PDE1A: variants seen among roughly 807,000 people sequenced by gnomAD.
PDE1A encodes the protein phosphodiesterase 1A, also known as dual specificity calcium/calmodulin-dependent 3',5'-cyclic nucleotide phosphodiesterase 1A.
Under a neutral mutation model 61.7 loss-of-function variants are expected in PDE1A, and 35 were observed. That is an observed-to-expected ratio of 0.57 (90% CI 0.43 to 0.75). PDE1A has a LOEUF of 0.75. Among genes scored for constraint, PDE1A ranks in the 30% least tolerant of loss-of-function variants. The pLI is 0.00. For synonymous variants in PDE1A, 232 were observed against 213.2 expected (o/e 1.09, Z -0.77); for missense variants, 597 against 630.6 (o/e 0.95, Z 0.57).
At chr2:182,276,828 A>G (rs1482831321) in intron 1 of PDE1A, among the ~76,000 whole-genome samples, 1 of 151,876 alleles carries the variant, frequency 6.6e-6, no homozygotes, top group East Asian at 1.9e-4. Flanking sequence ...TCGTTGGGGG[A>G]GGTCTATAAA....
At chr2:182,578,857 C>G in the PDE1A span, among the ~76,000 whole-genome samples, 1 of 152,096 alleles carries the variant, frequency 6.6e-6, no homozygotes, top group African/African-American at 2.4e-5. Flanking sequence ...TCAGCCTCTT[C>G]TTAGATCTCA....
intron 1 of PDE1A, among the ~76,000 whole-genome samples, chr2:182,324,538 A>G (rs1407945455): frequency 6.6e-6 from 1 of 152,154 alleles, no homozygotes; most frequent in South Asian, 2.1e-4. Flanking sequence ...AATCTTAAAT[A>G]TTTAGACTTT....
rs561468103 is a variant in PDE1A at position 182,306,658 on chromosome 2, C to T, written c.54-42244G>A. 1.8e-4 allele frequency among the ~76,000 whole-genome samples: 27 copies of T among 152,156 alleles called. 1 individual carries two copies. Among genetic ancestry groups the T allele is most frequent in the African/African-American group, 6.5e-4 (27 of 41,544 alleles). Reference sequence around the variant, plus strand: ...ATAGAAGAAAGAACCAAGAAATGAACTCAAACATTTACAGTCAATTGATTT... The same window carrying T: ...ATAGAAGAAAGAACCAAGAAATGAATTCAAACATTTACAGTCAATTGATTT... On this transcript the variant is annotated intron_variant, in intron 1 of 13. Transcript: ENST00000351439.
At chr2:182,243,518 A>G (rs1690720049) in intron 2 of PDE1A, among the ~76,000 whole-genome samples, 1 of 152,168 alleles carries the variant, frequency 6.6e-6, no homozygotes, top group African/African-American at 2.4e-5. Context: ...ACTGACTGAG[A>G]GAGAGAGTGA....
the PDE1A span, among the ~76,000 whole-genome samples, chr2:182,622,657 G>A: frequency 8.6e-4 from 131 of 152,198 alleles, 1 homozygote; most frequent in East Asian, 1.2e-3. Context: ...CCAAGCTGCC[G>A]ATTATCCACT....
chr2:182,329,001 G>T (rs1474401703), intron 1 of PDE1A, among the ~76,000 whole-genome samples: 2 of 152,092 alleles, frequency 1.3e-5, no homozygotes, highest in African/African-American at 4.8e-5. Context: ...TTTCTCTAGG[G>T]AAAGAATCCA....
chr2:182,594,025 T>A, the PDE1A span, among the ~76,000 whole-genome samples: 152 of 152,324 alleles, frequency 1.0e-3, 1 homozygote, highest in Admixed American at 6.1e-3. Flanking sequence ...GTAATTAAAC[T>A]TATAAAAGGG....
intron 1 of PDE1A, among the ~76,000 whole-genome samples, chr2:182,325,390 TATG>T (rs2124884244): frequency 6.6e-6 from 1 of 152,240 alleles, no homozygotes; most frequent in East Asian, 1.9e-4. Context: ...GGAAAAGCTC[TATG>T]ATACCAGATT....
chr2:182,716,790 C>T, the PDE1A span, among the ~76,000 whole-genome samples: 1 of 152,204 alleles, frequency 6.6e-6, no homozygotes, highest in Admixed American at 6.5e-5. Flanking sequence ...CTCTCCCACT[C>T]TGCAGTGATG....
At chr2:182,282,900 G>T (rs1439389747) in intron 1 of PDE1A, among the ~76,000 whole-genome samples, 3 of 151,830 alleles carry the variant, frequency 2.0e-5, no homozygotes, top group Non-Finnish European at 4.4e-5. Context: ...TGGACACTGC[G>T]CCTTAAACTT....
chr2:182,712,129 T>C, the PDE1A span, among the ~76,000 whole-genome samples: 2 of 152,216 alleles, frequency 1.3e-5, no homozygotes, highest in East Asian at 3.8e-4. Flanking sequence ...TGAGGAAACA[T>C]CAGACAAACT....
At chr2:182,650,375 G>A in the PDE1A span, among the ~76,000 whole-genome samples, 3 of 152,208 alleles carry the variant, frequency 2.0e-5, no homozygotes, top group African/African-American at 2.4e-5. Flanking sequence ...AGAGAGCACA[G>A]ATACAAATAT....
chr2:182,392,387 C>T (rs926548908), intron 1 of PDE1A, among the ~76,000 whole-genome samples: 12 of 152,254 alleles, frequency 7.9e-5, no homozygotes, highest in African/African-American at 2.9e-4. Context: ...TCAATTACCT[C>T]CCACCACGTC....
the PDE1A span, among the ~76,000 whole-genome samples, chr2:182,624,019 G>A: frequency 6.6e-6 from 1 of 151,674 alleles, no homozygotes; most frequent in African/African-American, 2.4e-5. Flanking sequence ...CAGCTACTCG[G>A]GAGGCTGAGG....
intron 10 of PDE1A, among the ~76,000 whole-genome samples, chr2:182,197,186 C>G (rs1185061092): frequency 6.6e-6 from 1 of 151,710 alleles, no homozygotes; most frequent in Non-Finnish European, 1.5e-5. Context: ...AGAAAATGAA[C>G]ATACTTGTAT....
At chr2:182,374,049 T>C (rs1370667) in intron 1 of PDE1A, among the ~76,000 whole-genome samples, 96,355 of 152,012 alleles carry the variant, frequency 0.63, 31,071 homozygotes, top group East Asian at 0.96. Context: ...ATTTGGTGAA[T>C]GGTGGAGGAG....
At chr2:182,254,956 T>C (rs1163570671) in intron 2 of PDE1A, among the ~76,000 whole-genome samples, 2 of 152,138 alleles carry the variant, frequency 1.3e-5, no homozygotes, top group African/African-American at 4.8e-5. Flanking sequence ...CAATGACTGG[T>C]TGAGGGATAA....
At chr2:182,158,174 G>A (rs1419556464) in intron 13 of PDE1A, among the ~76,000 whole-genome samples, 1 of 152,152 alleles carries the variant, frequency 6.6e-6, no homozygotes, top group Non-Finnish European at 1.5e-5. Context: ...TATGCAAGTT[G>A]CTCCTATTGA....
chr2:182,533,557 C>A, the PDE1A span, among the ~76,000 whole-genome samples: 185 of 152,026 alleles, frequency 1.2e-3, 3 homozygotes, highest in South Asian at 0.016. Flanking sequence ...TTAAATGATA[C>A]TGTTTAAAGT....
Sources: allele counts gnomAD v4.1 joint callset (sites outside exome capture counted in the v4.1 genomes callset), GRCh38; gene constraint gnomAD v4.1.1; transcripts MANE v1.5; gene names NCBI Gene and HGNC (gene_info 2026-07-23, HGNC 2026-07-21).